The following CAMTA2 variants were observed in gnomAD, a reference collection of about 807,000 sequenced individuals.
The protein encoded by CAMTA2 is calmodulin-binding transcription activator 2.
In CAMTA2, 56 loss-of-function variants were observed where a neutral mutation model predicts 135.7. That is an observed-to-expected ratio of 0.41 (90% CI 0.33 to 0.52). The LOEUF is 0.52. Ranked by LOEUF, CAMTA2 falls within the 20% of genes least tolerant of loss-of-function variation. CAMTA2 has a pLI of 0.16. For synonymous variants in CAMTA2, 591 were observed against 604.6 expected (o/e 0.98, Z 0.33); for missense variants, 1,358 against 1,553.4 (o/e 0.87, Z 2.11).
rs759856718 is a variant in CAMTA2 at position 4,981,263 on chromosome 17, G to A, written c.662C>T (p.Ala221Val). The change falls in exon 8 of 23, where the codon GCT becomes GTT. Residue 221 changes from alanine to valine, a missense_variant. By Grantham distance (64) the Ala-to-Val change is moderately conservative. This residue lies in a region of CAMTA2 where 1,077 missense variants were observed against 1,127.5 expected (regional missense o/e 0.96). Transcript: ENST00000348066. ...GCAGAGACAGGCGTGGGTTCGGGGA[G>A]CAGGCTTGGTTGGGTGGGTGTCCAA... ...QILDTHPTKP[A>V]PRTHACLCSG... 6.2e-7 allele frequency: 1 copy of A among 1,614,110 alleles called. No individual in the cohort carries two copies. The highest frequency in any genetic ancestry group is 1.1e-5 in the South Asian group (1 of 91,078).
In CAMTA2 at chr17:4,969,262, G is replaced by T. The variant is rs758585271; in HGVS notation, c.3358C>A (p.Arg1120=). 5.6e-6 allele frequency: 9 copies of T among 1,614,000 alleles called. No homozygotes were observed. In the South Asian group the frequency reaches 6.6e-5, roughly 12 times the overall value. Residue 1120 remains arginine (R), a synonymous_variant, in exon 21 of 23, where the codon CGA becomes AGA. Transcript: ENST00000348066. The surrounding 1 kb of genome is among the most constrained non-coding windows in gnomAD (Gnocchi z 5.6). ...SKFRSYYEQK[R]FQQSRRAAVL... ...GCCGCTCGGCGGCTCTGCTGAAATC[G>T]CTTCTGTTCATAGTAGCTTCGGAAC...
chr17:4,983,936 T>C (rs1973111254), intron 3 of CAMTA2, among the ~76,000 whole-genome samples: 1 of 150,604 alleles, frequency 6.6e-6, no homozygotes, highest in Admixed American at 6.6e-5. Context: ...CTGCCAGGAA[T>C]TTCAGATTAT....
chr17:4,973,203 T>C lies in CAMTA2; in HGVS notation c.2252A>G (p.Asn751Ser), dbSNP rs149451791. Reference sequence around the variant, plus strand: ...AGGGGTGCAAGAGAAATGATCCACGTTGAGCGGGTCAACCTCCTGCTCTAA... The same window carrying C: ...AGGGGTGCAAGAGAAATGATCCACGCTGAGCGGGTCAACCTCCTGCTCTAA... ...LDLEQEVDPLNVDHFSCTPLM... is the reference protein window; with the variant it reads ...LDLEQEVDPLSVDHFSCTPLM... The change falls in exon 14 of 23, where the codon AAC becomes AGC. Residue 751 changes from asparagine to serine, a missense_variant. Around this residue, in one of 4 missense-constraint regions of CAMTA2, gnomAD observed 1,077 missense variants for 1,127.5 expected, o/e 0.96. Transcript: ENST00000348066. 1.2e-6 allele frequency: 2 copies of C among 1,614,160 alleles called. No homozygotes were observed. Among genetic ancestry groups the C allele is most frequent in the Non-Finnish European group, 1.7e-6 (2 of 1,179,980 alleles).
rs1972053049 is a variant in CAMTA2, at chr17:4,968,613, G to A, written c.*143C>T. The stretch of plus-strand genomic sequence containing the variant: ...AGAGGGGTGTGGGAGCAAGGCGTGG[G>A]GAGGAGGGAGGAGGCCTACAGAGGG... On this transcript the variant is annotated 3_prime_UTR_variant, in exon 23 of 23. Transcript: ENST00000348066. 3.7e-6 allele frequency: 3 copies of A among 811,278 alleles called. No individual in the cohort carries two copies. Among genetic ancestry groups the A allele is most frequent in the Non-Finnish European group, 6.1e-6 (3 of 493,688 alleles). 50.3% of individuals were successfully genotyped at this position (811,278 alleles called of 1,614,324 possible). A position where few individuals can be genotyped will look rare whatever the true frequency, so the allele number is the denominator to read the frequency against.
chr17:4,972,573 C>A, intron 15 of CAMTA2, 37 bp from the exon 16 acceptor site: 2 of 1,579,818 alleles, frequency 1.3e-6, no homozygotes, highest in Non-Finnish European at 1.7e-6. Context: ...GCAGCCGGAG[C>A]CACGGCCATC....
At chr17:4,983,579 CCA>C (rs1229638991) in intron 3 of CAMTA2, 1 of 151,314 alleles carries the variant, frequency 6.6e-6, no homozygotes, top group African/African-American at 2.5e-5. Flanking sequence ...GCCACCGTGC[CCA>C]GACTTTTTTT....
rs146677781 is a variant in CAMTA2 at position 4,968,354 on chromosome 17, G to C, written c.*402C>G. 286 of 319,990 alleles carry C rather than the reference G, an allele frequency of 8.9e-4. No homozygotes were observed. The highest frequency in any genetic ancestry group is 5.8e-3 in the Middle Eastern group (6 of 1,030). 19.8% of individuals were successfully genotyped at this position (319,990 alleles called of 1,614,324 possible). A position where few individuals can be genotyped will look rare whatever the true frequency, so the allele number is the denominator to read the frequency against. ...GGGGACACGGTCAGCCCTGAAACAC[G>C]AGGGGCGTGCGCAGCGAAGGCAGTG... On this transcript the variant is annotated 3_prime_UTR_variant, in exon 23 of 23. Transcript: ENST00000348066.
Position 4,981,669 on chromosome 17 carries a change from C to T in CAMTA2, c.565+9G>A, listed in dbSNP as rs776898946. ...CCCTTGGAGCTCTATCCCCACCCTG[C>T]TGCCTTACACATGGGCTTCAGCTGT... is the stretch of plus-strand genomic sequence containing the variant. On this transcript the variant is annotated intron_variant, in intron 7 of 22. Transcript: ENST00000348066. The T allele has an allele frequency of 1.3e-6, 2 of 1,586,028 alleles. No homozygotes were observed. Among genetic ancestry groups the T allele is most frequent in the Non-Finnish European group, 1.7e-6 (2 of 1,163,798 alleles).
chr17:4,975,787 T>G (rs1972575254), intron 11 of CAMTA2, among the ~76,000 whole-genome samples: 1 of 151,208 alleles, frequency 6.6e-6, no homozygotes, highest in South Asian at 2.1e-4. Context: ...GAGGAAGAGA[T>G]AGAGAAAAGC....
chr17:4,972,867 T>G lies in CAMTA2; in HGVS notation c.2405A>C (p.His802Pro), dbSNP rs1347361354. 1.2e-5 allele frequency: 20 copies of G among 1,613,832 alleles called. No individual in the cohort carries two copies. The highest frequency in any genetic ancestry group is 1.6e-5 in the Non-Finnish European group (19 of 1,180,022). ...LPLSVAHSRGHVRLARCLEEL... is the reference protein window; with the variant it reads ...LPLSVAHSRGPVRLARCLEEL... ...CTCAAGGCAGCGGGCAAGGCGCACATGACCCCGGGAATGAGCCACAGACAA... is the reference window on the plus strand; with the variant it reads ...CTCAAGGCAGCGGGCAAGGCGCACAGGACCCCGGGAATGAGCCACAGACAA... Residue 802 changes from histidine (H) to proline (P), a missense_variant, in exon 15 of 23, where the codon CAT becomes CCT. By Grantham distance (77) the His-to-Pro change is moderately conservative. Around this residue, in one of 4 missense-constraint regions of CAMTA2, gnomAD observed 1,077 missense variants for 1,127.5 expected, o/e 0.96. Transcript: ENST00000348066.
rs1170116995 is a variant in CAMTA2 at position 4,979,862 on chromosome 17, G to A, written c.1460C>T (p.Ala487Val). Residue 487 changes from alanine to valine, a missense_variant, in exon 9 of 23, where the codon GCC (alanine) becomes GTC (valine). This residue lies in a region of CAMTA2 where 1,077 missense variants were observed against 1,127.5 expected (regional missense o/e 0.96). Transcript: ENST00000348066. Reference sequence around the variant, plus strand: ...GGCCCCAACAGGTCCTCCAAACAAGGCCTCTCCTCTTCCTACCCTGCTTGA... The same window carrying A: ...GGCCCCAACAGGTCCTCCAAACAAGACCTCTCCTCTTCCTACCCTGCTTGA... ...EPSSRVGRGE[A>V]LFGGPVGASE... 3 of 1,547,796 alleles carry A rather than the reference G, an allele frequency of 1.9e-6. No homozygotes were observed. The highest frequency in any genetic ancestry group is 2.6e-6 in the Non-Finnish European group (3 of 1,142,110).
At chr17:4,973,312 G>A in intron 13 of CAMTA2, 59 bp from the exon 14 acceptor site, 1 of 1,396,288 alleles carries the variant, frequency 7.2e-7, no homozygotes, top group Admixed American at 1.7e-5. Flanking sequence ...GGCAAAGCAG[G>A]AACATCAGAA....
intron 3 of CAMTA2, among the ~76,000 whole-genome samples, chr17:4,984,229 C>T (rs1215605024): frequency 2.0e-5 from 3 of 152,228 alleles, no homozygotes; most frequent in South Asian, 4.1e-4. Flanking sequence ...GGATTACAGG[C>T]GTGAGCCACT....
intron 1 of CAMTA2, 140 bp from the exon 2 acceptor site, chr17:4,986,426 G>A: frequency 1.7e-6 from 1 of 599,376 alleles, no homozygotes; most frequent in African/African-American, 1.9e-5. Context: ...TGACTGTGAT[G>A]TGACAGTAGA....
At position 4,972,491 on chromosome 17, in the gene CAMTA2, A is replaced by C; in HGVS notation, c.2549T>G (p.Phe850Cys). The C allele has an allele frequency of 1.9e-6, 3 of 1,612,064 alleles. No homozygotes were observed. The highest frequency in any genetic ancestry group is 2.5e-6 in the Non-Finnish European group (3 of 1,179,248). ...SSPSELSDGT[F>C]SVTSAYSSAP... ...ACTAGAATAGGCTGACGTGACGGAA[A>C]AGGTGCCATCCGACAGCTCCGAGGG... The change falls in exon 16 of 23, where the codon TTT (phenylalanine) becomes TGT (cysteine). Residue 850 changes from phenylalanine (F) to cysteine (C), a missense_variant. This residue lies in a region of CAMTA2 where 1,077 missense variants were observed against 1,127.5 expected (regional missense o/e 0.96). Coordinates refer to ENST00000348066, the MANE Select transcript of CAMTA2 (RefSeq NM_015099.4).
rs769901293 is a variant in CAMTA2 at position 4,970,387 on chromosome 17, G to A, written c.2958C>T (p.Ala986=). 16 of 1,614,056 alleles carry A rather than the reference G, an allele frequency of 9.9e-6. No homozygotes were observed. The Middle Eastern group carries it at 9.9e-4, about 100-fold the overall frequency. ...VGLSETMSWL[A]SYLENVDHFP... ...AATGGTCCACATTCTCCAGGTAGCT[G>A]GCCAGCCAGGACATGGTCTCACTGA... is the stretch of plus-strand genomic sequence containing the variant. The change falls in exon 17 of 23, where the codon GCC becomes GCT. Residue 986 remains alanine (A), a synonymous_variant. Coordinates refer to ENST00000348066, the MANE Select transcript of CAMTA2 (RefSeq NM_015099.4).
rs751937628 is a variant in CAMTA2, at chr17:4,980,757, G to A, written c.701-136C>T. The A allele has an allele frequency of 2.8e-5, 19 of 684,264 alleles. No individual in the cohort carries two copies. The highest frequency in any genetic ancestry group is 8.1e-5 in the Admixed American group (3 of 37,120). 42.4% of individuals were successfully genotyped at this position (684,264 alleles called of 1,614,324 possible). A position where few individuals can be genotyped will look rare whatever the true frequency, so the allele number is the denominator to read the frequency against. ...GTAATACTGATTGTAGCCACTGGGA[G>A]GCATCAGAAATGTCTGTTCTCTACC... On this transcript the variant is annotated intron_variant, in intron 8 of 22. Transcript: ENST00000348066. The surrounding 1 kb of genome is among the most constrained non-coding windows in gnomAD (Gnocchi z 5.3).
chr17:4,974,511 A>G lies in CAMTA2; in HGVS notation c.1901-11T>C, dbSNP rs1245332973. On this transcript the variant is annotated splice_polypyrimidine_tract_variant and intron_variant, in intron 11 of 22. Coordinates refer to ENST00000348066, the MANE Select transcript of CAMTA2 (RefSeq NM_015099.4). The stretch of plus-strand genomic sequence containing the variant: ...TCCGGAACTGGTTGTCTGAGGGGGA[A>G]CGGGTATGGGAGGCTGAGTGGGCAG... 6.3e-7 allele frequency: 1 copy of G among 1,581,410 alleles called. No homozygotes were observed. The highest frequency in any genetic ancestry group is 8.7e-7 in the Non-Finnish European group (1 of 1,150,212).
At chr17:4,976,421 G>A (rs566576218) in intron 11 of CAMTA2, among the ~76,000 whole-genome samples, 3 of 152,270 alleles carry the variant, frequency 2.0e-5, no homozygotes, top group South Asian at 2.1e-4. Context: ...AAGTACAGCC[G>A]GGTGTGGTGG....
Sources: allele counts gnomAD v4.1 joint callset (sites outside exome capture counted in the v4.1 genomes callset), GRCh38; gene constraint gnomAD v4.1.1; regional missense constraint gnomAD v4.1.1; non-coding constraint Gnocchi (gnomAD v3.1); transcripts MANE v1.5; gene names NCBI Gene and HGNC (gene_info 2026-07-23, HGNC 2026-07-21).